MCTP1: variants seen among roughly 807,000 people sequenced by gnomAD.
MCTP1 encodes the protein multiple C2 and transmembrane domain containing 1.
A neutral mutation model predicts 120.6 loss-of-function variants in MCTP1; 69 were observed. That is an observed-to-expected ratio of 0.57 (90% CI 0.47 to 0.70). The LOEUF is 0.70. Among genes scored for constraint, MCTP1 ranks in the 30% least tolerant of loss-of-function variants. The pLI, the probability that MCTP1 is intolerant of heterozygous loss-of-function variation, is 0.00. For missense variants in MCTP1, 1,203 were observed against 1,248.8 expected (o/e 0.96, Z 0.55); for synonymous variants, 529 against 493.1 (o/e 1.07, Z -0.96).
At chr5:95,218,317 A>G (rs1033521934) in intron 1 of MCTP1, among the ~76,000 whole-genome samples, 1 of 152,190 alleles carries the variant, frequency 6.6e-6, no homozygotes, top group Non-Finnish European at 1.5e-5. Context: ...AACACTACAT[A>G]CCCAGTTTCA....
At chr5:94,736,478 G>A (rs533404079) in intron 19 of MCTP1, among the ~76,000 whole-genome samples, 1 of 152,164 alleles carries the variant, frequency 6.6e-6, no homozygotes, top group South Asian at 2.1e-4. Flanking sequence ...GCAAGACCCT[G>A]TCTCAAAAAA....
chr5:95,224,407 TC>T (rs1754029791), intron 1 of MCTP1, among the ~76,000 whole-genome samples: 1 of 152,032 alleles, frequency 6.6e-6, no homozygotes, highest in Non-Finnish European at 1.5e-5. Flanking sequence ...CTCTAACACA[TC>T]CCAAAGAATC....
intron 1 of MCTP1, among the ~76,000 whole-genome samples, chr5:95,088,024 C>T (rs1582220903): frequency 1.3e-5 from 2 of 152,186 alleles, no homozygotes; most frequent in Admixed American, 6.5e-5. Context: ...GAAGATGAGC[C>T]GCCCATCTTC....
intron 12 of MCTP1, among the ~76,000 whole-genome samples, chr5:94,878,576 A>G (rs1032888317): frequency 1.3e-5 from 2 of 152,106 alleles, no homozygotes; most frequent in Admixed American, 6.6e-5. Flanking sequence ...TGACTGACAC[A>G]CAATTTCAAA....
intron 10 of MCTP1, among the ~76,000 whole-genome samples, chr5:94,902,928 G>T (rs138419894): frequency 2.0e-5 from 3 of 152,252 alleles, no homozygotes; most frequent in African/African-American, 7.2e-5. Flanking sequence ...CTGTCTTTGA[G>T]AACTTTGCCA....
intron 1 of MCTP1, among the ~76,000 whole-genome samples, chr5:95,153,493 A>G (rs1744768832): frequency 1.3e-5 from 2 of 152,234 alleles, no homozygotes; most frequent in Admixed American, 1.3e-4. Context: ...CCAAACACAC[A>G]ATAAACTGTG....
chr5:95,031,357 G>GA (rs1238158943), intron 1 of MCTP1, among the ~76,000 whole-genome samples: 4 of 150,012 alleles, frequency 2.7e-5, no homozygotes, highest in Non-Finnish European at 5.9e-5. Flanking sequence ...CAACATGAAA[G>GA]AAAAAAAAAT....
At position 94,958,537 on chromosome 5, in the gene MCTP1, G is replaced by C. The variant is rs550376921; in HGVS notation, c.839-5176C>G. Among the ~76,000 whole-genome samples, 132 of 152,096 alleles carry C rather than the reference G, an allele frequency of 8.7e-4. 1 individual carries two copies. Among genetic ancestry groups the C allele is most frequent in the African/African-American group, 3.1e-3 (129 of 41,512 alleles). ...GACTGCTAGCCAGGATAATAAAGAA[G>C]AAAAGAGAGAAGAATCAAATAGACG... On this transcript the variant is annotated intron_variant, in intron 2 of 22. Transcript: ENST00000515393.
chr5:94,952,162 A>C (rs915591545), intron 3 of MCTP1, among the ~76,000 whole-genome samples: 1 of 127,584 alleles, frequency 7.8e-6, no homozygotes, highest in African/African-American at 3.2e-5. Flanking sequence ...ACAGAATGAG[A>C]CTTTGTCGCA....
At position 94,706,919 on chromosome 5, in the gene MCTP1, C is replaced by G. The variant is rs1344121849; in HGVS notation, c.*577G>C. The G allele has an allele frequency of 1.3e-5, 2 of 151,706 alleles. No individual in the cohort carries two copies. The highest frequency in any genetic ancestry group is 1.9e-4 in the East Asian group (1 of 5,142). The allele number at this position is 151,706 out of a possible 1,614,324, so 9.4% of individuals were successfully genotyped here. On this transcript the variant is annotated 3_prime_UTR_variant, in exon 23 of 23. Coordinates refer to ENST00000515393, the MANE Select transcript of MCTP1 (RefSeq NM_024717.7). ...GAGTGAATGTACCTTCACTTATTAG[C>G]TTAAAATTAGCCTAAGTCATACCTA... is the stretch of plus-strand genomic sequence containing the variant.
intron 12 of MCTP1, among the ~76,000 whole-genome samples, chr5:94,876,514 TG>T (rs1462434650): frequency 6.6e-6 from 1 of 152,178 alleles, no homozygotes; most frequent in Non-Finnish European, 1.5e-5. Context: ...AGGGATATTT[TG>T]TTTCTGATAA....
chr5:95,014,263 C>CAAT (rs1836639524), intron 2 of MCTP1, among the ~76,000 whole-genome samples: 2 of 151,638 alleles, frequency 1.3e-5, no homozygotes, highest in Non-Finnish European at 2.9e-5. Context: ...GTCTCTAAAA[C>CAAT]AACAACAACA....
chr5:94,975,522 A>G (rs748990405), intron 2 of MCTP1, among the ~76,000 whole-genome samples: 2 of 151,964 alleles, frequency 1.3e-5, no homozygotes, highest in African/African-American at 2.4e-5. Flanking sequence ...TAGACTTCCC[A>G]GGCTTTAGAA....
At chr5:94,805,635 A>G (rs1485627839) in intron 17 of MCTP1, among the ~76,000 whole-genome samples, 1 of 151,996 alleles carries the variant, frequency 6.6e-6, no homozygotes, top group Admixed American at 6.6e-5. Flanking sequence ...CTCAAAAAAT[A>G]TATGTAACAC....
At chr5:94,759,941 G>T (rs1196122077) in intron 19 of MCTP1, among the ~76,000 whole-genome samples, 2 of 141,564 alleles carry the variant, frequency 1.4e-5, no homozygotes, top group Admixed American at 7.0e-5. Flanking sequence ...TGACAGAGCT[G>T]GAATACTTAG....
At chr5:94,832,226 A>T (rs1270866569) in intron 17 of MCTP1, among the ~76,000 whole-genome samples, 1 of 129,416 alleles carries the variant, frequency 7.7e-6, no homozygotes, top group Non-Finnish European at 1.5e-5. Context: ...TTTATAATGC[A>T]TTCCCTCCTT....
At chr5:95,245,311 T>G (rs1286695789) in intron 1 of MCTP1, among the ~76,000 whole-genome samples, 1 of 152,158 alleles carries the variant, frequency 6.6e-6, no homozygotes, top group African/African-American at 2.4e-5. Flanking sequence ...GGAACAAAGC[T>G]GGATGGAGAA....
chr5:95,093,937 C>T (rs1330537525), intron 1 of MCTP1, among the ~76,000 whole-genome samples: 2 of 152,182 alleles, frequency 1.3e-5, no homozygotes, highest in African/African-American at 2.4e-5. Context: ...GAGAGGTCTA[C>T]GTGGAGAAAA....
chr5:95,140,287 AACCCG>A (rs1348817718), intron 1 of MCTP1, among the ~76,000 whole-genome samples: 3 of 152,156 alleles, frequency 2.0e-5, no homozygotes, highest in Admixed American at 6.5e-5. Context: ...CCTCATCTGC[AACCCG>A]GGACTTTGCA....
Sources: gnomAD v4.1 joint callset for allele counts (sites outside exome capture counted in the v4.1 genomes callset) on GRCh38, gnomAD v4.1.1 for gene constraint, MANE v1.5 for transcripts, NCBI Gene and HGNC (gene_info 2026-07-23, HGNC 2026-07-21) for gene names.